The following CTNNA1 variants were observed in gnomAD, a reference collection of about 807,000 sequenced individuals.
CTNNA1 encodes the protein catenin alpha-1.
CTNNA1 carries 37 observed loss-of-function variants against 98.4 expected under a neutral mutation model. The observed-to-expected ratio is 0.38, with a 90% confidence interval of 0.29 to 0.49. The LOEUF (loss-of-function observed/expected upper bound fraction) is 0.49. CTNNA1 is among the 20% of genes least tolerant of loss of function. The pLI is 0.95. For synonymous variants in CTNNA1, 404 were observed against 413.2 expected, an observed-to-expected ratio of 0.98 and a Z score of 0.27; for missense variants, 761 against 1,147.2, an observed-to-expected ratio of 0.66 and a Z score of 4.86.
intron 3 of CTNNA1, among the ~76,000 whole-genome samples, chr5:138,808,986 T>A (rs1441232909): frequency 6.6e-6 from 1 of 152,160 alleles, no homozygotes; most frequent in Non-Finnish European, 1.5e-5. Flanking sequence ...TAAATTATTT[T>A]TAAAAATTTT....
intron 1 of CTNNA1, among the ~76,000 whole-genome samples, chr5:138,780,834 TACC>T (rs908218327): frequency 2.0e-5 from 3 of 152,232 alleles, no homozygotes; most frequent in Non-Finnish European, 4.4e-5. Flanking sequence ...TTTAAATGTC[TACC>T]AGCAGTTTGT....
At chr5:138,790,735 G>A (rs1756260707) in intron 3 of CTNNA1, among the ~76,000 whole-genome samples, 1 of 152,172 alleles carries the variant, frequency 6.6e-6, no homozygotes, top group African/African-American at 2.4e-5. Flanking sequence ...CTGCAATTTT[G>A]GTTTTAATGG....
intron 7 of CTNNA1, chr5:138,871,074 G>A (rs1750543343): frequency 6.6e-6 from 1 of 151,986 alleles, no homozygotes; most frequent in East Asian, 1.9e-4. Flanking sequence ...AGGGTACTAA[G>A]GTACCCATCT....
intron 10 of CTNNA1, among the ~76,000 whole-genome samples, chr5:138,914,241 T>G (rs992897792): frequency 2.6e-5 from 4 of 152,356 alleles, no homozygotes; most frequent in African/African-American, 9.6e-5. Flanking sequence ...CATGTTTACT[T>G]GGCTCTCTTC....
intron 7 of CTNNA1, chr5:138,875,389 G>A (rs1352263055): frequency 9.1e-6 from 9 of 984,822 alleles, no homozygotes; most frequent in East Asian, 1.1e-4. Context: ...TGACGTCACC[G>A]GATGACGTGT....
At chr5:138,836,746 G>A (rs149401714) in intron 7 of CTNNA1, among the ~76,000 whole-genome samples, 2 of 152,246 alleles carry the variant, frequency 1.3e-5, no homozygotes, top group African/African-American at 4.8e-5. Flanking sequence ...ATATCACTTT[G>A]TGCTGTTTAG....
intron 3 of CTNNA1, among the ~76,000 whole-genome samples, chr5:138,803,258 A>T (rs934198468): frequency 6.6e-6 from 1 of 151,378 alleles, no homozygotes; most frequent in Non-Finnish European, 1.5e-5. Flanking sequence ...GGCTCAAGCG[A>T]TCATCCCATC....
chr5:138,832,346 T>A (rs1434318370), intron 7 of CTNNA1, among the ~76,000 whole-genome samples: 1 of 152,096 alleles, frequency 6.6e-6, no homozygotes, highest in Admixed American at 6.5e-5. Context: ...ACAGTGGAGG[T>A]TTTGCGACCC....
At chr5:138,923,849 T>G (rs938379128) in intron 11 of CTNNA1, among the ~76,000 whole-genome samples, 1 of 152,238 alleles carries the variant, frequency 6.6e-6, no homozygotes, top group Non-Finnish European at 1.5e-5. Context: ...CAAATTCAGC[T>G]GTATGACTGT....
chr5:138,898,330 T>C (rs983329986), intron 9 of CTNNA1, among the ~76,000 whole-genome samples: 2 of 152,142 alleles, frequency 1.3e-5, no homozygotes, highest in African/African-American at 4.8e-5. Flanking sequence ...TTCTTATAAA[T>C]TACCCAATCC....
At chr5:138,775,175 G>C (rs1753971522) in intron 1 of CTNNA1, among the ~76,000 whole-genome samples, 1 of 152,134 alleles carries the variant, frequency 6.6e-6, no homozygotes, top group African/African-American at 2.4e-5. Context: ...TCTGTGTTTT[G>C]TTTGTGTTAA....
intron 10 of CTNNA1, among the ~76,000 whole-genome samples, chr5:138,916,760 TTTA>T (rs1032509029): frequency 1.3e-4 from 19 of 148,724 alleles, no homozygotes; most frequent in African/African-American, 4.2e-4. Flanking sequence ...TTTATTTATT[TTTA>T]TTTATTATTT....
chr5:138,837,538 C>G (rs1042512865), intron 7 of CTNNA1, among the ~76,000 whole-genome samples: 5 of 129,430 alleles, frequency 3.9e-5, no homozygotes, highest in Admixed American at 7.8e-5. Context: ...TCCTCCCCCC[C>G]CTTTCCCCAC....
chr5:138,763,784 T>C (rs1355094599), intron 1 of CTNNA1, among the ~76,000 whole-genome samples: 1 of 152,248 alleles, frequency 6.6e-6, no homozygotes, highest in Non-Finnish European at 1.5e-5. Flanking sequence ...GATCTCTAAA[T>C]TGGCAAAAGG....
At chr5:138,925,620 G>A in intron 13 of CTNNA1, 2 of 597,090 alleles carry the variant, frequency 3.3e-6, no homozygotes, top group Admixed American at 3.5e-5. Context: ...AGGGGAGCTA[G>A]CCTGAGTTGA....
chr5:138,812,328 T>TA (rs1269907694), intron 5 of CTNNA1, 26 bp downstream of exon 5: 3 of 1,598,206 alleles, frequency 1.9e-6, no homozygotes, highest in Non-Finnish European at 2.6e-6. Flanking sequence ...GGGGATATAT[T>TA]AAAGTTGTTC....
chr5:138,893,175 T>A (rs1029072294), intron 9 of CTNNA1, among the ~76,000 whole-genome samples: 3 of 152,162 alleles, frequency 2.0e-5, no homozygotes, highest in African/African-American at 7.2e-5. Context: ...ACGGAACACC[T>A]GTTCCGGGGT....
chr5:138,782,119 A>C (rs1755178933), intron 2 of CTNNA1, 90 bp downstream of exon 2: 1 of 1,251,052 alleles, frequency 8.0e-7, no homozygotes, highest in Non-Finnish European at 1.1e-6. Context: ...TTTAGTTCAA[A>C]GCCTTAATTC....
At chr5:138,875,783 T>C in intron 7 of CTNNA1, 2 of 937,216 alleles carry the variant, frequency 2.1e-6, no homozygotes, top group South Asian at 9.8e-5. Flanking sequence ...TCAGTTGCCT[T>C]GTTGTCATGC....
Sources: allele counts gnomAD v4.1 joint callset (sites outside exome capture counted in the v4.1 genomes callset), GRCh38; gene constraint gnomAD v4.1.1; transcripts MANE v1.5; gene names NCBI Gene and HGNC (gene_info 2026-07-23, HGNC 2026-07-21).